The following TPST2 variants were observed in gnomAD, a reference collection of about 807,000 sequenced individuals.
TPST2 encodes tyrosylprotein sulfotransferase 2.
A neutral mutation model predicts 27.8 loss-of-function variants in TPST2; 16 were observed. The observed-to-expected ratio is 0.58, with a 90% CI of 0.39 to 0.88. TPST2 has a LOEUF of 0.88. TPST2 is among the 40% of genes least tolerant of loss of function. TPST2 has a pLI of 0.00. For missense variants in TPST2, 464 were observed against 543.1 expected, an observed-to-expected ratio of 0.85 and a Z score of 1.45; for synonymous variants, 229 against 231.7, an observed-to-expected ratio of 0.99 and a Z score of 0.10.
intron 1 of TPST2, among the ~76,000 whole-genome samples, chr22:26,584,126 A>C (rs1440992614): frequency 6.6e-6 from 1 of 152,258 alleles, no homozygotes; most frequent in Non-Finnish European, 1.5e-5. Context: ...ATGGGAGCTC[A>C]ACAAAAAACA....
intron 1 of TPST2, among the ~76,000 whole-genome samples, chr22:26,573,026 G>A (rs1050120165): frequency 2.8e-4 from 42 of 152,048 alleles, no homozygotes; most frequent in Admixed American, 5.2e-4. Context: ...TCTGTGAATC[G>A]GGAGAGCAGC....
chr22:26,545,024 A>G (rs1212556516), intron 1 of TPST2, among the ~76,000 whole-genome samples: 1 of 152,122 alleles, frequency 6.6e-6, no homozygotes, highest in Non-Finnish European at 1.5e-5. Flanking sequence ...AAATATAACA[A>G]TAAGCAACAA....
chr22:26,569,607 C>A (rs1484823365), intron 1 of TPST2, among the ~76,000 whole-genome samples: 1 of 151,854 alleles, frequency 6.6e-6, no homozygotes, highest in Non-Finnish European at 1.5e-5. Context: ...CATGGTTACA[C>A]CACTGCACTC....
At chr22:26,542,636 G>T (rs1925926501) in intron 2 of TPST2, among the ~76,000 whole-genome samples, 1 of 152,194 alleles carries the variant, frequency 6.6e-6, no homozygotes, top group Admixed American at 6.5e-5. Flanking sequence ...GTAGGTGAGG[G>T]AAGGCCTCCT....
chr22:26,538,268 T>A (rs754122600), intron 3 of TPST2, among the ~76,000 whole-genome samples: 2 of 152,112 alleles, frequency 1.3e-5, no homozygotes, highest in Non-Finnish European at 2.9e-5. Flanking sequence ...AGAACACAGA[T>A]TCAGAGGCTG....
At chr22:26,569,344 C>T (rs1927507033) in intron 1 of TPST2, among the ~76,000 whole-genome samples, 1 of 152,136 alleles carries the variant, frequency 6.6e-6, no homozygotes, top group Non-Finnish European at 1.5e-5. Context: ...AGCAAGGTGT[C>T]CTGGGGCAGG....
At chr22:26,536,176 G>T in intron 4 of TPST2, 112 bp downstream of exon 4, 1 of 1,308,246 alleles carries the variant, frequency 7.6e-7, no homozygotes, top group Non-Finnish European at 1.1e-6. Context: ...GAACAAATCA[G>T]ATGACCAGGA....
intron 2 of TPST2, 59 bp downstream of exon 2, chr22:26,544,545 G>A: frequency 2.1e-6 from 2 of 949,070 alleles, no homozygotes; most frequent in Non-Finnish European, 2.5e-6. Flanking sequence ...GGGGACTTTT[G>A]GAGGGCGGTC....
chr22:26,561,006 G>A (rs539450521), intron 1 of TPST2: 2 of 1,606,488 alleles, frequency 1.2e-6, no homozygotes, highest in South Asian at 2.2e-5. Flanking sequence ...GGATATTGCT[G>A]CATATCGAGC....
At chr22:26,589,254 G>A (rs1357441101) in intron 1 of TPST2, among the ~76,000 whole-genome samples, 2 of 152,138 alleles carry the variant, frequency 1.3e-5, no homozygotes, top group Admixed American at 6.5e-5. Context: ...CTCTGCTGAG[G>A]TGGATGGTTC....
Position 26,568,913 on chromosome 22 carries a change from G to A in TPST2, c.-161+21140C>T, listed in dbSNP as rs5752347. Among the ~76,000 whole-genome samples, 40 of 146,338 alleles carry A rather than the reference G, an allele frequency of 2.7e-4. No individual in the cohort carries two copies. In the East Asian group the frequency reaches 4.8e-3, roughly 18 times the overall value. ...GGATCTCGCTCTGTCTCCCAGGCTGGAGTGCAGTGGCCCGATCTCGGCTCA... is the reference window on the plus strand; with the variant it reads ...GGATCTCGCTCTGTCTCCCAGGCTGAAGTGCAGTGGCCCGATCTCGGCTCA... On this transcript the variant is annotated intron_variant, in intron 1 of 6. Transcript: ENST00000338754.
At chr22:26,586,203 C>A (rs1364211262) in intron 1 of TPST2, among the ~76,000 whole-genome samples, 1 of 152,024 alleles carries the variant, frequency 6.6e-6, no homozygotes, top group Non-Finnish European at 1.5e-5. Context: ...CTTCCCACCC[C>A]GTCTCCATGT....
In TPST2 at chr22:26,590,085, C is replaced by G. The variant is rs1928500494; in HGVS notation, c.-193G>C. On this transcript the variant is annotated 5_prime_UTR_variant, in exon 1 of 7. Transcript: ENST00000338754. ...AGACGCGGCGAGGCAGCCCCACGCA[C>G]CCAGCGACTCCCGGCTCTCCAGCCG... The G allele has an allele frequency of 6.6e-6, 1 of 151,936 alleles. No homozygotes were observed. Among genetic ancestry groups the G allele is most frequent in the Admixed American group, 6.6e-5 (1 of 15,242 alleles). The allele number at this position is 151,936 out of a possible 1,614,324, so 9.4% of individuals were successfully genotyped here. A position where few individuals can be genotyped will look rare whatever the true frequency, so the allele number is the denominator to read the frequency against.
intron 1 of TPST2, among the ~76,000 whole-genome samples, chr22:26,588,500 G>A (rs947562335): frequency 6.6e-6 from 1 of 152,034 alleles, no homozygotes; most frequent in Non-Finnish European, 1.5e-5. Flanking sequence ...TAAAAATTAC[G>A]GAAACATATA....
intron 1 of TPST2, among the ~76,000 whole-genome samples, chr22:26,545,960 C>T (rs1263829507): frequency 6.6e-6 from 1 of 151,782 alleles, no homozygotes; most frequent in South Asian, 2.1e-4. Flanking sequence ...GCCTATAGTC[C>T]CGGCTACTTG....
chr22:26,557,549 G>A (rs969934543), intron 1 of TPST2, among the ~76,000 whole-genome samples: 22 of 152,130 alleles, frequency 1.4e-4, no homozygotes, highest in African/African-American at 5.3e-4. Context: ...GTGGGGAAAG[G>A]AGATTGGCAA....
chr22:26,548,897 G>C (rs189892571), intron 1 of TPST2, among the ~76,000 whole-genome samples: 5 of 152,236 alleles, frequency 3.3e-5, no homozygotes, highest in African/African-American at 1.2e-4. Context: ...GAACCCCAGA[G>C]GTCAAGGCTA....
chr22:26,555,798 C>G (rs1053287553), intron 1 of TPST2, among the ~76,000 whole-genome samples: 1 of 152,218 alleles, frequency 6.6e-6, no homozygotes, highest in African/African-American at 2.4e-5. Flanking sequence ...AAAGTGGCAT[C>G]GACTCCCACT....
At chr22:26,536,513 G>C in intron 3 of TPST2, 27 bp from the exon 4 acceptor site, 1 of 1,482,550 alleles carries the variant, frequency 6.7e-7, no homozygotes, top group Non-Finnish European at 9.0e-7. Context: ...CGCTGGAGAG[G>C]GTAGGGCAGA....
Sources: allele counts gnomAD v4.1 joint callset (sites outside exome capture counted in the v4.1 genomes callset), GRCh38; gene constraint gnomAD v4.1.1; transcripts MANE v1.5; gene names NCBI Gene and HGNC (gene_info 2026-07-23, HGNC 2026-07-21).